Variants in SPIN2A observed in about 807,000 individuals in gnomAD.
SPIN2A encodes the protein spindlin family member 2A.
Under a neutral mutation model 9.2 loss-of-function variants are expected in SPIN2A, and 4 were observed. That is an observed-to-expected ratio of 0.44 (90% CI 0.21 to 1.00). The LOEUF is 1.00. SPIN2A is among the 50% of genes least tolerant of loss of function. The pLI, the probability that SPIN2A is intolerant of heterozygous loss-of-function variation, is 0.26. For missense variants in SPIN2A, 77 were observed against 172.8 expected, an observed-to-expected ratio of 0.45 and a Z score of 3.11; for synonymous variants, 25 against 61.2, an observed-to-expected ratio of 0.41 and a Z score of 2.76.
chrX:57,140,512 G>A (rs1423440408), upstream of SPIN2A, among the ~76,000 whole-genome samples: 1 of 104,528 alleles, frequency 9.6e-6, no homozygotes, highest in Non-Finnish European at 2.0e-5. Context: ...GGAGAATGGC[G>A]TGAACCCGGG....
chrX:57,146,515 G>C, the SPIN2A span, among the ~76,000 whole-genome samples: 1 of 111,601 alleles, frequency 9.0e-6, no homozygotes, highest in Non-Finnish European at 1.9e-5. Flanking sequence ...AGCAAATAGT[G>C]GCAGTTTGAC....
chrX:57,137,233 C>T, intron 1 of SPIN2A, 27 bp downstream of exon 1: 2 of 760,795 alleles, frequency 2.6e-6, no homozygotes, highest in Non-Finnish European at 3.1e-6. Flanking sequence ...CCGGGGATCG[C>T]GGGCCTCACG....
the SPIN2A span, among the ~76,000 whole-genome samples, chrX:57,145,026 A>G: frequency 9.0e-6 from 1 of 111,680 alleles, no homozygotes; most frequent in East Asian, 2.8e-4. Flanking sequence ...GTGCTGCTAT[A>G]AACATGCATG....
Position 57,136,898 on chromosome X carries a change from C to T in SPIN2A, c.-5-296G>A, listed in dbSNP as rs773845775. Reference sequence around the variant, plus strand: ...CTGCCCTCCCTTTACCCTTTACTGCCACTAGCATCCACTCCCAATCCCCTG... The same window carrying T: ...CTGCCCTCCCTTTACCCTTTACTGCTACTAGCATCCACTCCCAATCCCCTG... On this transcript the variant is annotated intron_variant, in intron 1 of 1. Coordinates refer to ENST00000374906, the MANE Select transcript of SPIN2A (RefSeq NM_019003.5). 4.5e-6 allele frequency: 3 copies of T among 670,380 alleles called. No homozygotes were observed. In the African/African-American group the frequency reaches 6.7e-5, roughly 15 times the overall value. 55.2% of individuals were successfully genotyped at this position (670,380 alleles called of 1,213,427 possible).
At chrX:57,141,225 T>C (rs1323191972), upstream of SPIN2A, among the ~76,000 whole-genome samples, 2 of 112,422 alleles carry the variant, frequency 1.8e-5, no homozygotes, top group Non-Finnish European at 3.8e-5. Flanking sequence ...TCTATTTATG[T>C]GATATATCAC....
intron 1 of SPIN2A, 29 bp downstream of exon 1, chrX:57,137,231 C>A (rs1361738618): frequency 1.3e-4 from 98 of 759,208 alleles, no homozygotes; most frequent in Non-Finnish European, 1.5e-4. Context: ...CGCCGGGGAT[C>A]GCGGGCCTCA....
At chrX:57,141,797 T>C (rs1928010571), upstream of SPIN2A, among the ~76,000 whole-genome samples, 2 of 111,356 alleles carry the variant, frequency 1.8e-5, no homozygotes, top group Non-Finnish European at 3.8e-5. Flanking sequence ...TTTTTTTAAA[T>C]GTTACTTTAA....
the SPIN2A span, among the ~76,000 whole-genome samples, chrX:57,146,189 C>T: frequency 2.7e-5 from 3 of 110,587 alleles, no homozygotes; most frequent in African/African-American, 9.9e-5. Context: ...TGATTTTCCC[C>T]ATCCATGAGG....
At chrX:57,137,436 T>C, upstream of SPIN2A, 1 of 667,547 alleles carries the variant, frequency 1.5e-6, no homozygotes, top group Non-Finnish European at 1.8e-6. Flanking sequence ...TCGCTGGCCG[T>C]CTACCTCCCT....
downstream of SPIN2A, chrX:57,135,600 C>T (rs1927669076): frequency 5.5e-5 from 41 of 746,295 alleles, no homozygotes; most frequent in South Asian, 1.1e-3. Context: ...GCCCCATCTA[C>T]CAAACACACC....
the SPIN2A span, among the ~76,000 whole-genome samples, chrX:57,145,265 A>G: frequency 4.7e-5 from 5 of 107,128 alleles, no homozygotes; most frequent in Non-Finnish European, 9.5e-5. Flanking sequence ...GGGGGGGGTA[A>G]GGTGGTATTA....
chrX:57,141,785 CT>C (rs926984463), upstream of SPIN2A, among the ~76,000 whole-genome samples: 1 of 109,635 alleles, frequency 9.1e-6, no homozygotes, highest in Non-Finnish European at 1.9e-5. Flanking sequence ...TTTTCTTTTT[CT>C]TTTTTTTAAA....
chrX:57,139,724 G>T (rs1236303792), upstream of SPIN2A, among the ~76,000 whole-genome samples: 1 of 111,761 alleles, frequency 8.9e-6, no homozygotes, highest in Non-Finnish European at 1.9e-5. Flanking sequence ...AAAGTGCTGG[G>T]ATTACAAGTG....
chrX:57,140,701 T>C (rs1005348610), upstream of SPIN2A, among the ~76,000 whole-genome samples: 3 of 111,053 alleles, frequency 2.7e-5, no homozygotes, highest in Non-Finnish European at 3.8e-5. Flanking sequence ...AGCTGAAGGC[T>C]ATTATCCTAC....
At chrX:57,144,042 C>T in the SPIN2A span, among the ~76,000 whole-genome samples, 15 of 111,783 alleles carry the variant, frequency 1.3e-4, no homozygotes, top group African/African-American at 4.9e-4. Context: ...TTTTAAGGAT[C>T]ACTTTGCTGG....
chrX:57,137,846 A>G (rs1397243539), upstream of SPIN2A, among the ~76,000 whole-genome samples: 3 of 111,494 alleles, frequency 2.7e-5, no homozygotes, highest in Non-Finnish European at 5.6e-5. Flanking sequence ...ATCCTTTACG[A>G]CCATATGCAA....
At chrX:57,142,016 G>T (rs961943653), upstream of SPIN2A, among the ~76,000 whole-genome samples, 5 of 110,691 alleles carry the variant, frequency 4.5e-5, no homozygotes, top group African/African-American at 1.6e-4. Flanking sequence ...TCTTAGTCTA[G>T]CTGAAGGTTT....
upstream of SPIN2A, chrX:57,137,643 T>C (rs1209639697): frequency 9.0e-6 from 1 of 111,658 alleles, no homozygotes; most frequent in Non-Finnish European, 1.9e-5. Flanking sequence ...CTTTCCACAA[T>C]TCACAACAGT....
the SPIN2A span, among the ~76,000 whole-genome samples, chrX:57,143,072 G>T: frequency 9.0e-6 from 1 of 111,109 alleles, no homozygotes; most frequent in Non-Finnish European, 1.9e-5. Context: ...AGCCACTCTA[G>T]GTCTTTTGAT....
Sources: allele counts gnomAD v4.1 joint callset (sites outside exome capture counted in the v4.1 genomes callset), GRCh38; gene constraint gnomAD v4.1.1; transcripts MANE v1.5; gene names NCBI Gene and HGNC (gene_info 2026-07-23, HGNC 2026-07-21).